TRPM8: variants seen among roughly 807,000 people sequenced by gnomAD.
The protein encoded by TRPM8 is TRPM8 cationic channel.
TRPM8 carries 110 observed loss-of-function variants against 133.7 expected under a neutral mutation model. The observed-to-expected ratio is 0.82, with a 90% CI of 0.70 to 0.96. The LOEUF is 0.96. TRPM8 is among the 40% of genes least tolerant of loss of function. The pLI is 0.00. For missense variants in TRPM8, 1,291 were observed against 1,379.5 expected (o/e 0.94, Z 1.02); for synonymous variants, 535 against 532.3 (o/e 1.01, Z -0.07).
chr2:233,919,970 G>A (rs1207284763), intron 1 of TRPM8, among the ~76,000 whole-genome samples: 1 of 152,178 alleles, frequency 6.6e-6, no homozygotes, highest in African/African-American at 2.4e-5. Context: ...GGACAAGGGG[G>A]TCCTTGGTGT....
chr2:233,984,816 G>A (rs913491571), intron 20 of TRPM8, among the ~76,000 whole-genome samples: 3 of 152,168 alleles, frequency 2.0e-5, no homozygotes, highest in Admixed American at 6.5e-5. Flanking sequence ...GGGGATGGTG[G>A]CTTATGCCTG....
chr2:233,917,811 C>T (rs1441166503), intron 1 of TRPM8, among the ~76,000 whole-genome samples: 1 of 124,008 alleles, frequency 8.1e-6, no homozygotes, highest in Non-Finnish European at 1.5e-5. Context: ...CTATTGGGAA[C>T]ATAATAAAAC....
intron 9 of TRPM8, among the ~76,000 whole-genome samples, chr2:233,951,546 A>G (rs1691173002): frequency 6.6e-6 from 1 of 152,200 alleles, no homozygotes; most frequent in Non-Finnish European, 1.5e-5. Context: ...AAGGGCTACC[A>G]CACCCTTTAT....
At chr2:233,974,719 G>T (rs1370791978) in intron 17 of TRPM8, among the ~76,000 whole-genome samples, 1 of 152,160 alleles carries the variant, frequency 6.6e-6, no homozygotes, top group African/African-American at 2.4e-5. Context: ...AGCAGAGTTT[G>T]CTGGAAGAGG....
chr2:233,946,224 T>A, intron 7 of TRPM8, 194 bp downstream of exon 7: 1 of 543,566 alleles, frequency 1.8e-6, no homozygotes, highest in Non-Finnish European at 3.2e-6. Flanking sequence ...CAATGTGGTA[T>A]GTACCCTTTA....
chr2:233,941,192 T>C (rs1690896763), intron 5 of TRPM8, among the ~76,000 whole-genome samples: 1 of 152,184 alleles, frequency 6.6e-6, no homozygotes, highest in African/African-American at 2.4e-5. Context: ...AGGAAACTAG[T>C]GGTGATTTAG....
intron 20 of TRPM8, among the ~76,000 whole-genome samples, chr2:233,985,248 G>A (rs1309508671): frequency 6.6e-6 from 1 of 152,200 alleles, no homozygotes; most frequent in East Asian, 1.9e-4. Context: ...TGTTCCTGCT[G>A]CTCAGCCTCT....
In TRPM8 at chr2:233,961,177, C is replaced by T. The variant is rs544016362; in HGVS notation, c.1653+111C>T. 4.3e-4 allele frequency: 460 copies of T among 1,077,980 alleles called. 4 individuals are homozygous for T. The South Asian group carries it at 7.1e-3, about 17-fold the overall frequency. The allele number at this position is 1,077,980 out of a possible 1,614,324, so 66.8% of individuals were successfully genotyped here. On this transcript the variant is annotated intron_variant, in intron 12 of 25. Coordinates refer to ENST00000324695, the MANE Select transcript of TRPM8 (RefSeq NM_024080.5). ...TCTTATTGCCATAAAATACTTAACA[C>T]ACTGACAATGTTAATTTTTTTAACT... is the stretch of plus-strand genomic sequence containing the variant.
chr2:233,962,089 T>A (rs879352528), intron 12 of TRPM8, among the ~76,000 whole-genome samples: 4 of 152,254 alleles, frequency 2.6e-5, no homozygotes, highest in Non-Finnish European at 5.9e-5. Flanking sequence ...GACTGAAGAA[T>A]GGACACGTGT....
chr2:233,919,781 G>A (rs1394100679), intron 1 of TRPM8, among the ~76,000 whole-genome samples: 5 of 152,102 alleles, frequency 3.3e-5, no homozygotes, highest in Non-Finnish European at 5.9e-5. Context: ...GTCTGATGGA[G>A]ATGTATGTTT....
Position 233,960,938 on chromosome 2 carries a change from C to T in TRPM8, c.1525C>T (p.Leu509=), listed in dbSNP as rs1691420432. The part of the protein sequence containing the change: ...NHFSTLVYRN[L]QIAKNSYNDA... ...CTTCAGCACGCTTGTGTACCGGAAT[C>T]TGCAGATCGCCAAGAATTCCTATAA... Residue 509 remains leucine (L), a synonymous_variant, in exon 12 of 26, where the codon CTG becomes TTG. Transcript: ENST00000324695. 3 of 1,614,086 alleles carry T rather than the reference C, an allele frequency of 1.9e-6. No individual in the cohort carries two copies. The highest frequency in any genetic ancestry group is 1.6e-4 in the Middle Eastern group (1 of 6,084).
chr2:233,946,817 A>G (rs575911461), intron 7 of TRPM8, among the ~76,000 whole-genome samples: 2 of 152,366 alleles, frequency 1.3e-5, no homozygotes, highest in Admixed American at 6.5e-5. Flanking sequence ...TATAGGTGCA[A>G]TGGTAAATCA....
chr2:233,994,953 T>C (rs1216927343), intron 21 of TRPM8, among the ~76,000 whole-genome samples: 1 of 152,208 alleles, frequency 6.6e-6, no homozygotes, highest in Non-Finnish European at 1.5e-5. Flanking sequence ...TTTGTAGTTA[T>C]CTAAAATGCT....
In TRPM8 at chr2:233,927,856, CTTTCTCTT is replaced by C. The variant is rs1476700664; in HGVS notation, c.117+1204_117+1211del. Among the ~76,000 whole-genome samples the C allele has an allele frequency of 1.2e-3, 66 of 57,022 alleles. 9 individuals are homozygous for C. The highest frequency in any genetic ancestry group is 1.8e-3 in the Non-Finnish European group (55 of 29,878). The allele number at this position is 57,022 out of a possible 152,430, so 37.4% of individuals were successfully genotyped here. A position where few individuals can be genotyped will look rare whatever the true frequency, so the allele number is the denominator to read the frequency against. ...CCTTCCTTCCTTCCTTCCTTCCTTT[CTTTCTCTT>C]TCTTTCTTTCTTTCTTTCTTTCTTT... On this transcript the variant is annotated intron_variant, in intron 2 of 25. Transcript: ENST00000324695.
intron 4 of TRPM8, among the ~76,000 whole-genome samples, chr2:233,938,090 C>T (rs538414339): frequency 6.6e-6 from 1 of 152,316 alleles, no homozygotes; most frequent in African/African-American, 2.4e-5. Context: ...TGACCCAGCC[C>T]CATCCACTGC....
intron 3 of TRPM8, among the ~76,000 whole-genome samples, chr2:233,932,311 C>T (rs1396090213): frequency 8.5e-5 from 13 of 152,204 alleles, no homozygotes; most frequent in Admixed American, 8.5e-4. Context: ...TGTGCGTTAT[C>T]AGCTTTCCAT....
At chr2:234,008,811 T>C (rs1056551545) in intron 24 of TRPM8, among the ~76,000 whole-genome samples, 2 of 152,202 alleles carry the variant, frequency 1.3e-5, no homozygotes, top group African/African-American at 4.8e-5. Context: ...CCTTAATAAA[T>C]GTTTATTGAA....
chr2:234,004,694 C>G (rs1168861304), intron 22 of TRPM8, among the ~76,000 whole-genome samples: 1 of 152,082 alleles, frequency 6.6e-6, no homozygotes, highest in Non-Finnish European at 1.5e-5. Context: ...GGAAAGCAAT[C>G]CATATTCATT....
rs138663691 is a variant in TRPM8, at chr2:233,924,663, C to T, written c.-5-1870C>T. ...AATGTCAGAGGAGGGCTATTTGCTG[C>T]ATCTCTTAAATGGCTTCCCAATGTT... On this transcript the variant is annotated intron_variant, in intron 1 of 25. Coordinates refer to ENST00000324695, the MANE Select transcript of TRPM8 (RefSeq NM_024080.5). Among the ~76,000 whole-genome samples, 16 of 152,306 alleles carry T rather than the reference C, an allele frequency of 1.1e-4. No individual in the cohort carries two copies. In the East Asian group the frequency reaches 3.1e-3, roughly 29 times the overall value.
Sources: allele counts gnomAD v4.1 joint callset (sites outside exome capture counted in the v4.1 genomes callset), GRCh38; gene constraint gnomAD v4.1.1; transcripts MANE v1.5; gene names NCBI Gene and HGNC (gene_info 2026-07-23, HGNC 2026-07-21).